Variants in USH2A observed in about 807,000 individuals in gnomAD.
USH2A encodes the protein Usher syndrome 2A (autosomal recessive, mild).
A neutral mutation model predicts 538.9 loss-of-function variants in USH2A; 443 were observed. The ratio of observed to expected loss-of-function variants is 0.82; its 90% CI spans 0.76 to 0.89. USH2A has a LOEUF of 0.89. USH2A is among the 40% of genes least tolerant of loss of function. USH2A has a pLI of 0.00. For synonymous variants in USH2A, 2,413 were observed against 2,273.5 expected (o/e 1.06, Z -1.75); for missense variants, 6,633 against 6,324.8 (o/e 1.05, Z -1.65).
chr1:215,796,784 T>C (rs1449739058), intron 50 of USH2A, among the ~76,000 whole-genome samples: 1 of 152,192 alleles, frequency 6.6e-6, no homozygotes, highest in African/African-American at 2.4e-5. Flanking sequence ...GGCCAAAAAC[T>C]AGACCTCTCA....
intron 49 of USH2A, among the ~76,000 whole-genome samples, chr1:215,809,545 T>C (rs1471338852): frequency 1.3e-5 from 2 of 151,984 alleles, no homozygotes; most frequent in African/African-American, 4.8e-5. Context: ...GATACAAGGA[T>C]CAGTCACCTT....
chr1:216,026,935 A>T (rs1000288027), intron 32 of USH2A, among the ~76,000 whole-genome samples: 6 of 152,202 alleles, frequency 3.9e-5, no homozygotes, highest in African/African-American at 1.2e-4. Context: ...AAAGAACCAC[A>T]GACAGGCATT....
At chr1:216,210,188 C>T (rs2035209150) in intron 15 of USH2A, among the ~76,000 whole-genome samples, 1 of 151,770 alleles carries the variant, frequency 6.6e-6, no homozygotes, top group South Asian at 2.1e-4. Context: ...CACATTTCTA[C>T]ATAGTTGTCC....
intron 13 of USH2A, among the ~76,000 whole-genome samples, chr1:216,238,899 A>G (rs902458511): frequency 2.0e-5 from 3 of 152,098 alleles, no homozygotes; most frequent in Admixed American, 2.0e-4. Context: ...CTCACACACC[A>G]GCATGCTGTC....
chr1:215,798,732 T>C (rs889734475), intron 50 of USH2A, among the ~76,000 whole-genome samples, 175 bp downstream of exon 50: 3 of 152,200 alleles, frequency 2.0e-5, no homozygotes, highest in African/African-American at 7.2e-5. Flanking sequence ...ATGAGATACA[T>C]GTAAAAATTG....
chr1:216,163,225 T>G (rs976574354), intron 21 of USH2A, among the ~76,000 whole-genome samples: 6 of 151,966 alleles, frequency 3.9e-5, no homozygotes, highest in Non-Finnish European at 8.8e-5. Flanking sequence ...AATTGGTATT[T>G]TATCTACTGA....
Position 215,728,162 on chromosome 1 carries a change from A to C in USH2A, c.11934T>G (p.Ala3978=), listed in dbSNP as rs2102713471. The C allele has an allele frequency of 6.2e-7, 1 of 1,614,178 alleles. No homozygotes were observed. The highest frequency in any genetic ancestry group is 8.5e-7 in the Non-Finnish European group (1 of 1,180,028). The stretch of plus-strand genomic sequence containing the variant: ...TTGTCCAATTCAACAGAACTGAATG[A>C]GCACTCGTGGCTTGAGCCCAAGGAG... The part of the protein sequence containing the change: ...FPAPWAQATS[A]HSVLLNWTKP... Residue 3978 remains alanine, a synonymous_variant, in exon 61 of 72, where the codon GCT becomes GCG. Coordinates refer to ENST00000307340, the MANE Select transcript of USH2A (RefSeq NM_206933.4).
At chr1:215,980,564 G>T (rs1667727278) in intron 35 of USH2A, among the ~76,000 whole-genome samples, 1 of 152,052 alleles carries the variant, frequency 6.6e-6, no homozygotes, top group South Asian at 2.1e-4. Flanking sequence ...GAAATCTCCT[G>T]TCCATAATTG....
chr1:216,139,740 C>G (rs528050781), intron 21 of USH2A, among the ~76,000 whole-genome samples: 170 of 152,248 alleles, frequency 1.1e-3, no homozygotes, highest in African/African-American at 3.8e-3. Context: ...TTTACTTGAG[C>G]ATTCATCTTC....
At chr1:216,336,116 C>T (rs183132586) in intron 4 of USH2A, among the ~76,000 whole-genome samples, 82 of 151,184 alleles carry the variant, frequency 5.4e-4, no homozygotes, top group Admixed American at 1.7e-3. Context: ...GTTCAATGTA[C>T]GAAAAGTAAT....
chr1:215,927,103 T>A (rs1377478197), intron 38 of USH2A, among the ~76,000 whole-genome samples: 1 of 152,172 alleles, frequency 6.6e-6, no homozygotes, highest in African/African-American at 2.4e-5. Context: ...TATGATTATG[T>A]CATTTAATTA....
At chr1:215,691,921 G>A (rs1407095155) in intron 61 of USH2A, among the ~76,000 whole-genome samples, 5 of 152,014 alleles carry the variant, frequency 3.3e-5, no homozygotes, top group Admixed American at 3.3e-4. Context: ...TCAAGTAGAA[G>A]AGAGAGCTCA....
chr1:215,798,707 G>A (rs750714398), intron 50 of USH2A, among the ~76,000 whole-genome samples, 200 bp downstream of exon 50: 12 of 152,162 alleles, frequency 7.9e-5, no homozygotes, highest in Admixed American at 7.2e-4. Context: ...AAATTGATGC[G>A]TTTTTATGAA....
chr1:215,759,813 A>G lies in USH2A; in HGVS notation c.11078T>C (p.Ile3693Thr), dbSNP rs1660926531. 6.2e-7 allele frequency: 1 copy of G among 1,614,034 alleles called. No homozygotes were observed. ...GVWVTPRHII[I>T]NSTTVELYWS... ...ATATAATTCCACTGTTGTAGAATTG[A>G]TGATAATGTGTCGAGGTGTCACCCA... Residue 3693 changes from isoleucine to threonine, a missense_variant, in exon 57 of 72, where the codon ATC becomes ACC. Coordinates refer to ENST00000307340, the MANE Select transcript of USH2A (RefSeq NM_206933.4).
At chr1:216,383,999 C>T (rs1169427721) in intron 3 of USH2A, among the ~76,000 whole-genome samples, 1 of 151,572 alleles carries the variant, frequency 6.6e-6, no homozygotes, top group Non-Finnish European at 1.5e-5. Context: ...CCACACCCAG[C>T]CTACATATAA....
intron 61 of USH2A, among the ~76,000 whole-genome samples, chr1:215,722,783 A>G (rs760357712): frequency 1.3e-5 from 2 of 152,204 alleles, no homozygotes; most frequent in Non-Finnish European, 2.9e-5. Context: ...TACTGGGCAA[A>G]TGCATGATCT....
rs145618756 is a variant in USH2A, at chr1:216,385,773, G to A, written c.652-20688C>T. 1.9e-4 allele frequency among the ~76,000 whole-genome samples: 29 copies of A among 152,146 alleles called. No homozygotes were observed. The East Asian group carries it at 4.6e-3, about 24-fold the overall frequency. On this transcript the variant is annotated intron_variant, in intron 3 of 71. Transcript: ENST00000307340. ...TTCCTTCAGGGTTTCATCTTACTAC[G>A]CTCTTGCATAAAACCTACTCTTGGC...
Position 215,674,291 on chromosome 1 carries a change from C to T in USH2A, c.13620G>A (p.Leu4540=), listed in dbSNP as rs751356779. Residue 4540 remains leucine, a synonymous_variant, in exon 63 of 72, where the codon TTG becomes TTA. Transcript: ENST00000307340. ...AGATCTCCTGAGGACCCCTGGCCTG[C>T]AATTTTGGAGGTTCCATCCCTGAGG... ...SAPSGMEPPK[L]QARGPQEILV... is the part of the protein sequence containing the mutation. 2 of 1,614,002 alleles carry T rather than the reference C, an allele frequency of 1.2e-6. No individual in the cohort carries two copies. The highest frequency in any genetic ancestry group is 1.7e-5 in the Admixed American group (1 of 60,000).
intron 11 of USH2A, among the ~76,000 whole-genome samples, chr1:216,271,334 C>T (rs1336360931): frequency 1.3e-5 from 2 of 152,060 alleles, no homozygotes; most frequent in African/African-American, 4.8e-5. Flanking sequence ...AACATCCCGT[C>T]CTTACTTAGA....
Sources: allele counts gnomAD v4.1 joint callset (sites outside exome capture counted in the v4.1 genomes callset), GRCh38; gene constraint gnomAD v4.1.1; transcripts MANE v1.5; gene names NCBI Gene and HGNC (gene_info 2026-07-23, HGNC 2026-07-21).